MACROD2: variants seen among roughly 807,000 people sequenced by gnomAD.
MACROD2 encodes mono-ADP ribosylhydrolase 2, also known as ADP-ribose glycohydrolase MACROD2.
A neutral mutation model predicts 70.4 loss-of-function variants in MACROD2; 36 were observed. That is an observed-to-expected ratio of 0.51 (90% CI 0.39 to 0.68). MACROD2 has a LOEUF of 0.68. MACROD2 is among the 30% of genes least tolerant of loss of function. The pLI is 0.00. For missense variants in MACROD2, 496 were observed against 538.4 expected (o/e 0.92, Z 0.78); for synonymous variants, 172 against 178.8 (o/e 0.96, Z 0.30).
chr20:15,818,028 C>G (rs1000907499), intron 8 of MACROD2, among the ~76,000 whole-genome samples: 4 of 152,106 alleles, frequency 2.6e-5, no homozygotes, highest in Admixed American at 1.3e-4. Flanking sequence ...CTTGGGGAAC[C>G]CTTGCTCATT....
chr20:15,312,016 A>G (rs1018518378), intron 6 of MACROD2, among the ~76,000 whole-genome samples: 1 of 152,214 alleles, frequency 6.6e-6, no homozygotes, highest in Non-Finnish European at 1.5e-5. Context: ...AGAGAATATC[A>G]TCAAATAATC....
At chr20:15,158,399 C>T (rs6043115) in intron 5 of MACROD2, among the ~76,000 whole-genome samples, 3,559 of 152,134 alleles carry the variant, frequency 0.023, 143 homozygotes, top group African/African-American at 0.082. Flanking sequence ...CCACAAAATC[C>T]TCCAGTGATA....
intron 5 of MACROD2, among the ~76,000 whole-genome samples, chr20:15,065,741 T>C (rs2075569348): frequency 6.6e-6 from 1 of 152,128 alleles, no homozygotes; most frequent in South Asian, 2.1e-4. Context: ...TAACAGAGTA[T>C]ATTTATCTCA....
chr20:14,295,176 T>C (rs2082416864), intron 3 of MACROD2, among the ~76,000 whole-genome samples: 1 of 151,924 alleles, frequency 6.6e-6, no homozygotes, highest in African/African-American at 2.4e-5. Flanking sequence ...ACTATCACAA[T>C]ACCATTTAAA....
intron 8 of MACROD2, among the ~76,000 whole-genome samples, chr20:15,675,628 A>G (rs1038229879): frequency 1.3e-5 from 2 of 152,216 alleles, no homozygotes; most frequent in African/African-American, 4.8e-5. Flanking sequence ...AAAATGTATC[A>G]TTTATAATGA....
chr20:15,346,332 T>C (rs2078166020), intron 6 of MACROD2, among the ~76,000 whole-genome samples: 1 of 152,162 alleles, frequency 6.6e-6, no homozygotes, highest in Admixed American at 6.5e-5. Flanking sequence ...ACCCTCATCT[T>C]TGAGAAATTG....
chr20:15,752,453 G>A lies in MACROD2; in HGVS notation c.646-110292G>A, dbSNP rs61673136. ...TAGTTGTGATTTCTCTTGTGTCAGT[G>A]GCAGGAAAAGAATCATACAAACCAC... On this transcript the variant is annotated intron_variant, in intron 8 of 17. Coordinates refer to ENST00000684519, the MANE Select transcript of MACROD2 (RefSeq NM_001351661.2). Among the ~76,000 whole-genome samples, 874 of 152,118 alleles carry A rather than the reference G, an allele frequency of 5.7e-3. 7 individuals carry two copies. Among genetic ancestry groups the A allele is most frequent in the African/African-American group, 0.019 (793 of 41,526 alleles).
chr20:14,192,685 A>T (rs1164091131), intron 3 of MACROD2, among the ~76,000 whole-genome samples: 1 of 152,212 alleles, frequency 6.6e-6, no homozygotes, highest in Non-Finnish European at 1.5e-5. Context: ...GTCTCCCCAC[A>T]AGGGCCACTT....
intron 3 of MACROD2, among the ~76,000 whole-genome samples, chr20:14,347,702 C>T (rs749255176): frequency 2.0e-5 from 3 of 152,126 alleles, no homozygotes. Context: ...AAATGCAATT[C>T]CTTGGCTAAG....
chr20:15,122,520 T>C (rs7262398), intron 5 of MACROD2, among the ~76,000 whole-genome samples: 11,108 of 152,322 alleles, frequency 0.073, 479 homozygotes, highest in Middle Eastern at 0.15. Flanking sequence ...TTAGGAATTA[T>C]TTGATTAAAT....
chr20:15,666,886 A>ATTTG (rs3071294), intron 8 of MACROD2, among the ~76,000 whole-genome samples: 88,582 of 151,598 alleles, frequency 0.58, 26,246 homozygotes, highest in East Asian at 0.85. Context: ...ATTTTCCCCA[A>ATTTG]TTTATTATAA....
chr20:14,625,362 GA>G (rs1984084305), intron 4 of MACROD2, among the ~76,000 whole-genome samples: 1 of 151,868 alleles, frequency 6.6e-6, no homozygotes, highest in Non-Finnish European at 1.5e-5. Context: ...GATTAGGAAT[GA>G]GGGGGTATAG....
intron 5 of MACROD2, among the ~76,000 whole-genome samples, chr20:14,786,783 A>G (rs958162159): frequency 6.6e-5 from 10 of 151,986 alleles, no homozygotes; most frequent in Admixed American, 4.6e-4. Context: ...AGAATTTCCC[A>G]TTTCACTTTT....
chr20:15,345,320 G>A (rs2078154115), intron 6 of MACROD2, among the ~76,000 whole-genome samples: 1 of 152,108 alleles, frequency 6.6e-6, no homozygotes, highest in Non-Finnish European at 1.5e-5. Context: ...GCCAATTACT[G>A]TCCTAGGTTC....
intron 8 of MACROD2, among the ~76,000 whole-genome samples, chr20:15,748,107 T>C (rs570890707): frequency 7.9e-5 from 12 of 152,154 alleles, no homozygotes; most frequent in Non-Finnish European, 1.8e-4. Flanking sequence ...GTTCTGGCCA[T>C]GTTATTTCCT....
At chr20:15,485,295 T>C (rs1568841362) in intron 7 of MACROD2, among the ~76,000 whole-genome samples, 2 of 151,010 alleles carry the variant, frequency 1.3e-5, no homozygotes, top group East Asian at 2.0e-4. Flanking sequence ...CCCTGAGGAA[T>C]TGCTTCAATC....
chr20:15,336,175 C>T (rs1010437992), intron 6 of MACROD2, among the ~76,000 whole-genome samples: 2 of 151,584 alleles, frequency 1.3e-5, no homozygotes, highest in Non-Finnish European at 1.5e-5. Flanking sequence ...ATCTCAAACA[C>T]AGAGTTTGAG....
intron 3 of MACROD2, among the ~76,000 whole-genome samples, chr20:14,458,170 A>G (rs574129742): frequency 6.6e-6 from 1 of 152,176 alleles, no homozygotes; most frequent in Admixed American, 6.6e-5. Context: ...TACAATTTAG[A>G]TATTTAGATG....
chr20:14,427,870 A>AT (rs1376037357), intron 3 of MACROD2, among the ~76,000 whole-genome samples: 1 of 151,898 alleles, frequency 6.6e-6, no homozygotes, highest in Non-Finnish European at 1.5e-5. Flanking sequence ...GAATTAGCAG[A>AT]TTTTGGAATG....
Sources: allele counts gnomAD v4.1 joint callset (sites outside exome capture counted in the v4.1 genomes callset), GRCh38; gene constraint gnomAD v4.1.1; transcripts MANE v1.5; gene names NCBI Gene and HGNC (gene_info 2026-07-23, HGNC 2026-07-21).